DAB2IP: variants seen among roughly 807,000 people sequenced by gnomAD.
DAB2IP encodes the protein disabled homolog 2-interacting protein.
A neutral mutation model predicts 107.2 loss-of-function variants in DAB2IP; 28 were observed. That is an observed-to-expected ratio of 0.26 (90% CI 0.19 to 0.36). The LOEUF (loss-of-function observed/expected upper bound fraction) is 0.36, where lower values mean the gene tolerates loss of function less well. DAB2IP is among the 10% of genes least tolerant of loss of function. DAB2IP has a pLI of 1.00. For missense variants in DAB2IP, 1,400 were observed against 1,644.7 expected (o/e 0.85, Z 2.57); for synonymous variants, 755 against 706.4 (o/e 1.07, Z -1.09).
chr9:121,619,496 G>A (rs1361785834), intron 1 of DAB2IP, among the ~76,000 whole-genome samples: 1 of 152,208 alleles, frequency 6.6e-6, no homozygotes, highest in Non-Finnish European at 1.5e-5. Context: ...CCCTGCCTGC[G>A]CTAACGGTGT....
Position 121,766,689 on chromosome 9 carries a change from C to T in DAB2IP, c.1656C>T (p.Thr552=), listed in dbSNP as rs778305110. ...ATGACCGCACTGCCCGCACCCTCAC[C>T]CTCATCGCCAAGGTCACCCAGAACC... Residue 552 remains threonine (T), a synonymous_variant, in exon 9 of 16, where the codon ACC becomes ACT. Transcript: ENST00000408936. The T allele has an allele frequency of 3.7e-6, 6 of 1,614,032 alleles. No homozygotes were observed. The Admixed American group carries it at 1.0e-4, about 27-fold the overall frequency.
Position 121,778,639 on chromosome 9 carries a change from A to G in DAB2IP, c.3314+2248A>G, listed in dbSNP as rs181949199. Among the ~76,000 whole-genome samples the G allele has an allele frequency of 2.2e-3, 328 of 152,250 alleles. 1 individual carries two copies. The highest frequency in any genetic ancestry group is 7.4e-3 in the African/African-American group (306 of 41,528). ...TGTTGCTCTAGGGCAGGGATTGGCA[A>G]ACTTTCTACAAAGGAGCAGATCAAA... is the stretch of plus-strand genomic sequence containing the variant. On this transcript the variant is annotated intron_variant, in intron 14 of 15. Transcript: ENST00000408936.
intron 1 of DAB2IP, among the ~76,000 whole-genome samples, chr9:121,631,082 G>A (rs1334617762): frequency 6.6e-6 from 1 of 152,156 alleles, no homozygotes; most frequent in South Asian, 2.1e-4. Context: ...ACTGTCAAAT[G>A]GACTGAAGTC....
At position 121,629,868 on chromosome 9, in the gene DAB2IP, A is replaced by G. The variant is rs964160644; in HGVS notation, c.41-48810A>G. On this transcript the variant is annotated intron_variant, in intron 1 of 16. Transcript: ENST00000259371. ...GACAAATCCTCCTCTTTTCCCTCAA[A>G]CCCCCGCCTCTCAGCCAGGGCTTCT... is the stretch of plus-strand genomic sequence containing the variant. 3.3e-5 allele frequency among the ~76,000 whole-genome samples: 5 copies of G among 151,344 alleles called. No homozygotes were observed. The East Asian group carries it at 9.7e-4, about 29-fold the overall frequency.
intron 3 of DAB2IP, among the ~76,000 whole-genome samples, chr9:121,731,121 C>T (rs1290780836): frequency 6.6e-6 from 1 of 152,216 alleles, no homozygotes; most frequent in Non-Finnish European, 1.5e-5. Context: ...TCTGGGCCTA[C>T]AGCCTGTTAT....
intron 1 of DAB2IP, among the ~76,000 whole-genome samples, chr9:121,661,620 G>A (rs1457517130): frequency 6.6e-6 from 1 of 152,048 alleles, no homozygotes. Flanking sequence ...GTTATGGAAG[G>A]TCCCCGGGAG....
At chr9:121,580,643 G>A (rs1216382011) in intron 1 of DAB2IP, among the ~76,000 whole-genome samples, 1 of 149,984 alleles carries the variant, frequency 6.7e-6, no homozygotes, top group Non-Finnish European at 1.5e-5. Context: ...TTTTTTTTCT[G>A]AGATGGAGTC....
At chr9:121,605,614 T>G (rs987274020) in intron 1 of DAB2IP, among the ~76,000 whole-genome samples, 7 of 152,328 alleles carry the variant, frequency 4.6e-5, no homozygotes, top group Middle Eastern at 3.4e-3. Context: ...TCCTCCCACC[T>G]TAGCCTCCCT....
chr9:121,749,254 C>T (rs1211178195), intron 3 of DAB2IP, among the ~76,000 whole-genome samples: 1 of 152,224 alleles, frequency 6.6e-6, no homozygotes, highest in Admixed American at 6.5e-5. Context: ...CTAGGCAGGG[C>T]GCTGCCCTGT....
At chr9:121,711,710 A>G (rs916189452) in intron 3 of DAB2IP, among the ~76,000 whole-genome samples, 7 of 152,156 alleles carry the variant, frequency 4.6e-5, no homozygotes, top group Non-Finnish European at 1.0e-4. Context: ...TATGTATTTG[A>G]AAAAAGTCAT....
intron 1 of DAB2IP, among the ~76,000 whole-genome samples, chr9:121,571,585 C>T (rs1016169094): frequency 6.6e-6 from 1 of 152,098 alleles, no homozygotes; most frequent in Non-Finnish European, 1.5e-5. Flanking sequence ...AGGCTCTGGA[C>T]ATCTCTCCCT....
At chr9:121,589,916 C>CTCCCT (rs145754287) in intron 1 of DAB2IP, among the ~76,000 whole-genome samples, 7,522 of 91,178 alleles carry the variant, frequency 0.082, 587 homozygotes, top group Middle Eastern at 0.12. Flanking sequence ...CCCAGTCCTG[C>CTCCCT]TCCCTTCCCT....
rs1345387170 is a variant in DAB2IP at position 121,599,409 on chromosome 9, C to A, written c.40+32181C>A. On this transcript the variant is annotated intron_variant, in intron 1 of 16. Coordinates refer to the DAB2IP transcript ENST00000259371. This position sits in a 1 kb window ranked among gnomAD's most constrained non-coding sequence, Gnocchi z 6.9. The stretch of plus-strand genomic sequence containing the variant: ...GTGGTGGGGAGGTCGATTGACCAAA[C>A]AGGTGCGCCCCCGCCCCTCTGCTCC... Among the ~76,000 whole-genome samples, 4 of 152,104 alleles carry A rather than the reference C, an allele frequency of 2.6e-5. No individual in the cohort carries two copies. Among genetic ancestry groups the A allele is most frequent in the Non-Finnish European group, 5.9e-5 (4 of 67,994 alleles).
chr9:121,630,526 T>TA (rs111323086), intron 1 of DAB2IP, among the ~76,000 whole-genome samples: 1,758 of 103,448 alleles, frequency 0.017, 27 homozygotes, highest in African/African-American at 0.085. Flanking sequence ...CTCCATCTCA[T>TA]AAAAAAATTT....
intron 1 of DAB2IP, among the ~76,000 whole-genome samples, chr9:121,584,535 G>C (rs1589377599): frequency 6.6e-6 from 1 of 152,200 alleles, no homozygotes. Context: ...TTCATCCCAA[G>C]TGCCCAGGGA....
chr9:121,643,523 C>T (rs976539052), intron 1 of DAB2IP, among the ~76,000 whole-genome samples: 1 of 152,026 alleles, frequency 6.6e-6, no homozygotes, highest in African/African-American at 2.4e-5. Context: ...ATCCTCTGCT[C>T]CAGCCTCACC....
chr9:121,768,427 T>C lies in DAB2IP; in HGVS notation c.1698-5T>C, dbSNP rs776862633. ...GTAGTGCTCACCCAACTGCCCTCTC[T>C]CCAGATTTGGCAGCAAGGAGGAATA... On this transcript the variant is annotated splice_polypyrimidine_tract_variant and splice_region_variant and intron_variant, in intron 9 of 15. Transcript: ENST00000408936. 2.5e-6 allele frequency: 4 copies of C among 1,614,088 alleles called. No individual in the cohort carries two copies. The Admixed American group carries it at 5.0e-5, about 20-fold the overall frequency.
chr9:121,668,481 T>G (rs1833540681), intron 1 of DAB2IP, among the ~76,000 whole-genome samples: 1 of 152,146 alleles, frequency 6.6e-6, no homozygotes, highest in South Asian at 2.1e-4. Flanking sequence ...TCAAGCAGCC[T>G]TCCTGCCTCG....
chr9:121,783,742 G>A, exon 16 of DAB2IP: 6 of 731,320 alleles, frequency 8.2e-6, no homozygotes, highest in Admixed American at 2.4e-5. Flanking sequence ...CCCAGGCGCT[G>A]CATACAGGGG....
Sources: allele counts gnomAD v4.1 joint callset (sites outside exome capture counted in the v4.1 genomes callset), GRCh38; gene constraint gnomAD v4.1.1; non-coding constraint Gnocchi (gnomAD v3.1); transcripts MANE v1.5; gene names NCBI Gene and HGNC (gene_info 2026-07-23, HGNC 2026-07-21).